The following NR1H4 variants were observed in gnomAD, a reference collection of about 807,000 sequenced individuals.
NR1H4 encodes the protein nuclear receptor subfamily 1 group H member 4, also known as bile acid receptor.
A neutral mutation model predicts 58.5 loss-of-function variants in NR1H4; 23 were observed. The ratio of observed to expected loss-of-function variants is 0.39; its 90% confidence interval spans 0.28 to 0.56. The LOEUF is 0.56. Among genes scored for constraint, NR1H4 ranks in the 20% least tolerant of loss-of-function variants. The probability of loss-of-function intolerance (pLI) is 0.58; values close to 1 mark genes in which losing one functional copy is unlikely to be tolerated. For synonymous variants in NR1H4, 214 were observed against 198.0 expected, an observed-to-expected ratio of 1.08 and a Z score of -0.68; for missense variants, 487 against 576.9, an observed-to-expected ratio of 0.84 and a Z score of 1.60.
rs180817392 is a variant in NR1H4, at chr12:100,547,979, C to G, written c.1078+7161C>G. 7.1e-3 allele frequency among the ~76,000 whole-genome samples: 1,071 copies of G among 151,266 alleles called. 21 individuals are homozygous for G. Among genetic ancestry groups the G allele is most frequent in the African/African-American group, 0.024 (992 of 41,316 alleles). ...TCATGATTCGCCCGCCTTGGCCTCC[C>G]AAAGTGCTGGGATTACAGGCTTGAG... On this transcript the variant is annotated intron_variant, in intron 9 of 10. Coordinates refer to ENST00000392986, the MANE Select transcript of NR1H4 (RefSeq NM_001206979.2).
At chr12:100,499,859 T>C (rs976037561) in intron 3 of NR1H4, 2 of 455,930 alleles carry the variant, frequency 4.4e-6, no homozygotes, top group African/African-American at 2.0e-5. Context: ...ACAGATTTCC[T>C]GGGTTGGTTC....
chr12:100,548,873 G>A (rs959292621), intron 9 of NR1H4, among the ~76,000 whole-genome samples: 9 of 152,124 alleles, frequency 5.9e-5, no homozygotes, highest in Non-Finnish European at 1.5e-5. Context: ...AGATGGAAAT[G>A]TATTTCTATC....
Position 100,503,438 on chromosome 12 carries a change from C to T in NR1H4, c.80-7340C>T, listed in dbSNP as rs17030240. ...AAAATCCAATTCAAATTAGTCCTCACTGCAGCTGTACGCCGTCAGGATTTT... is the reference window on the plus strand; with the variant it reads ...AAAATCCAATTCAAATTAGTCCTCATTGCAGCTGTACGCCGTCAGGATTTT... On this transcript the variant is annotated intron_variant, in intron 3 of 10. Coordinates refer to ENST00000392986, the MANE Select transcript of NR1H4 (RefSeq NM_001206979.2). 4.5e-3 allele frequency: 7,211 copies of T among 1,597,766 alleles called. 144 individuals carry two copies. The African/African-American group carries it at 0.057, about 13-fold the overall frequency.
At chr12:100,546,320 T>C (rs563427893) in intron 9 of NR1H4, among the ~76,000 whole-genome samples, 33 of 152,288 alleles carry the variant, frequency 2.2e-4, no homozygotes, top group South Asian at 4.1e-4. Flanking sequence ...CAGTCCCAAG[T>C]ATCTGTTCCC....
intron 1 of NR1H4, among the ~76,000 whole-genome samples, chr12:100,480,697 A>G (rs1333883842): frequency 6.6e-6 from 1 of 152,112 alleles, no homozygotes; most frequent in African/African-American, 2.4e-5. Flanking sequence ...TATACCAGTC[A>G]TTTATGTCTT....
intron 1 of NR1H4, among the ~76,000 whole-genome samples, chr12:100,483,848 G>T (rs1308858442): frequency 6.6e-6 from 1 of 152,166 alleles, no homozygotes; most frequent in African/African-American, 2.4e-5. Flanking sequence ...GCTGGGTGTG[G>T]TGGTGCATGC....
chr12:100,480,361 T>G (rs1308642732), intron 1 of NR1H4, among the ~76,000 whole-genome samples: 1 of 152,220 alleles, frequency 6.6e-6, no homozygotes, highest in Non-Finnish European at 1.5e-5. Context: ...AGATGCCGTT[T>G]TTAAAGAGTA....
chr12:100,540,781 G>C lies in NR1H4; in HGVS notation c.1041G>C (p.Gly347=). ...AEIFNKKLPS[G]HSDLLEERIR... ...TTTTCAATAAGAAACTTCCGTCTGG[G>C]CATTCTGACCTATTGGAAGAAAGAA... is the stretch of plus-strand genomic sequence containing the variant. Residue 347 remains glycine, a synonymous_variant, in exon 9 of 11, where the codon GGG becomes GGC. Transcript: ENST00000392986. 1 of 1,614,110 alleles carries C rather than the reference G, an allele frequency of 6.2e-7. No homozygotes were observed. The highest frequency in any genetic ancestry group is 8.5e-7 in the Non-Finnish European group (1 of 1,180,008).
intron 9 of NR1H4, among the ~76,000 whole-genome samples, chr12:100,552,067 G>A (rs767168273): frequency 6.6e-5 from 10 of 152,182 alleles, no homozygotes; most frequent in Non-Finnish European, 1.3e-4. Context: ...AGAGTTAACT[G>A]TATCTGCTTC....
At chr12:100,531,045 G>T (rs1244086587) in intron 4 of NR1H4, among the ~76,000 whole-genome samples, 3 of 152,202 alleles carry the variant, frequency 2.0e-5, no homozygotes, top group Non-Finnish European at 4.4e-5. Context: ...TCCATGTGAA[G>T]AGAACCACAT....
intron 1 of NR1H4, among the ~76,000 whole-genome samples, chr12:100,488,343 A>G (rs1037731754): frequency 1.3e-5 from 2 of 152,318 alleles, no homozygotes; most frequent in East Asian, 1.9e-4. Flanking sequence ...CTCTTCCACA[A>G]TAGACTGCTT....
intron 4 of NR1H4, among the ~76,000 whole-genome samples, chr12:100,525,820 G>A (rs1180200346): frequency 6.6e-6 from 1 of 152,060 alleles, no homozygotes; most frequent in Non-Finnish European, 1.5e-5. Context: ...AATAGTATAG[G>A]CCTATTTTGA....
intron 4 of NR1H4, among the ~76,000 whole-genome samples, chr12:100,531,433 C>T (rs1376786475): frequency 7.2e-5 from 11 of 151,962 alleles, no homozygotes; most frequent in Non-Finnish European, 5.9e-5. Context: ...CCAGCCTGGG[C>T]GACAGAACAA....
chr12:100,548,615 G>A (rs1955135482), intron 9 of NR1H4, among the ~76,000 whole-genome samples: 1 of 152,210 alleles, frequency 6.6e-6, no homozygotes, highest in East Asian at 1.9e-4. Context: ...AGCAATGGAA[G>A]ATCATTTCCA....
chr12:100,562,438 G>A (rs1031302352), intron 10 of NR1H4, among the ~76,000 whole-genome samples: 7 of 152,208 alleles, frequency 4.6e-5, no homozygotes, highest in Non-Finnish European at 1.0e-4. Flanking sequence ...TTTTTTAAGT[G>A]GGTGGCATTG....
chr12:100,478,168 G>A (rs932326873), intron 1 of NR1H4, among the ~76,000 whole-genome samples: 2 of 152,032 alleles, frequency 1.3e-5, no homozygotes, highest in Admixed American at 1.3e-4. Flanking sequence ...GAAAGTAAAG[G>A]AGGCTGTGCA....
chr12:100,478,398 T>G (rs1193074503), intron 1 of NR1H4, among the ~76,000 whole-genome samples: 1 of 152,190 alleles, frequency 6.6e-6, no homozygotes, highest in Non-Finnish European at 1.5e-5. Flanking sequence ...AAACCCTTCT[T>G]TTCTGGAGAA....
intron 9 of NR1H4, among the ~76,000 whole-genome samples, chr12:100,553,776 C>G (rs967154094): frequency 6.6e-6 from 1 of 152,228 alleles, no homozygotes; most frequent in African/African-American, 2.4e-5. Flanking sequence ...CAGGCTGGTT[C>G]TCCTCCTGGT....
chr12:100,487,416 A>G (rs1953514471), intron 1 of NR1H4, among the ~76,000 whole-genome samples: 1 of 152,112 alleles, frequency 6.6e-6, no homozygotes, highest in Admixed American at 6.6e-5. Flanking sequence ...TTAACAAACT[A>G]TTAATTGAGA....
Sources: gnomAD v4.1 joint callset for allele counts (sites outside exome capture counted in the v4.1 genomes callset) on GRCh38, gnomAD v4.1.1 for gene constraint, MANE v1.5 for transcripts, NCBI Gene and HGNC (gene_info 2026-07-23, HGNC 2026-07-21) for gene names.